The following SLC14A2 variants were observed in gnomAD, a reference collection of about 807,000 sequenced individuals.
The protein encoded by SLC14A2 is solute carrier family 14 member 2, also known as urea transporter 2.
In SLC14A2, 91 loss-of-function variants were observed where a neutral mutation model predicts 104.6. That is an observed-to-expected ratio of 0.87 (90% CI 0.73 to 1.04). SLC14A2 has a LOEUF of 1.04. Ranked by LOEUF, SLC14A2 falls within the 50% of genes least tolerant of loss-of-function variation. The pLI, the probability that SLC14A2 is intolerant of heterozygous loss-of-function variation, is 0.00. For synonymous variants in SLC14A2, 476 were observed against 466.4 expected (o/e 1.02, Z -0.27); for missense variants, 1,189 against 1,156.0 (o/e 1.03, Z -0.41).
At chr18:45,520,009 A>G (rs1376030409) in intron 2 of SLC14A2, among the ~76,000 whole-genome samples, 1 of 152,232 alleles carries the variant, frequency 6.6e-6, no homozygotes, top group Non-Finnish European at 1.5e-5. Context: ...TTCACACACC[A>G]GAAATCACAG....
chr18:45,403,167 T>A (rs752573284), intron 1 of SLC14A2, among the ~76,000 whole-genome samples: 10 of 152,208 alleles, frequency 6.6e-5, no homozygotes, highest in Non-Finnish European at 1.3e-4. Flanking sequence ...CACCATGTCC[T>A]CGTATGTTCT....
intron 2 of SLC14A2, among the ~76,000 whole-genome samples, chr18:45,534,868 A>C (rs34793310): frequency 0.17 from 25,163 of 152,152 alleles, 2,633 homozygotes; most frequent in African/African-American, 0.28. Context: ...TGTGCCATTG[A>C]CTGCACCACA....
chr18:45,453,091 C>T (rs1022139772), intron 1 of SLC14A2, among the ~76,000 whole-genome samples: 5 of 152,118 alleles, frequency 3.3e-5, no homozygotes, highest in African/African-American at 1.2e-4. Flanking sequence ...CAAACCAGGA[C>T]CTAGATCTCC....
chr18:45,491,079 C>A (rs181253544), intron 2 of SLC14A2, among the ~76,000 whole-genome samples: 2 of 152,164 alleles, frequency 1.3e-5, no homozygotes, highest in Admixed American at 1.3e-4. Flanking sequence ...TATACATACC[C>A]TATGACAACT....
the SLC14A2 span, among the ~76,000 whole-genome samples, chr18:45,170,406 A>T: frequency 6.6e-6 from 1 of 152,328 alleles, no homozygotes; most frequent in East Asian, 1.9e-4. Context: ...CAGTTTTGAA[A>T]GGAAGTTAAA....
At chr18:45,444,705 T>C (rs970423675) in intron 1 of SLC14A2, among the ~76,000 whole-genome samples, 1 of 152,196 alleles carries the variant, frequency 6.6e-6, no homozygotes, top group Non-Finnish European at 1.5e-5. Flanking sequence ...TTTTATCTAA[T>C]GGCTGTAATC....
intron 1 of SLC14A2, among the ~76,000 whole-genome samples, chr18:45,368,694 T>C (rs2085691423): frequency 1.3e-5 from 2 of 152,128 alleles, no homozygotes; most frequent in South Asian, 2.1e-4. Context: ...AAGGGAGAAA[T>C]ACAAAAAGCA....
chr18:45,601,938 T>C (rs72906366), intron 2 of SLC14A2, among the ~76,000 whole-genome samples: 12,205 of 152,316 alleles, frequency 0.08, 661 homozygotes, highest in Non-Finnish European at 0.12. Flanking sequence ...ATGTGAATGG[T>C]CAGAGCCTTT....
intron 2 of SLC14A2, among the ~76,000 whole-genome samples, chr18:45,503,715 C>T (rs1188539979): frequency 6.6e-6 from 1 of 152,114 alleles, no homozygotes; most frequent in Non-Finnish European, 1.5e-5. Context: ...AGACTGGTGC[C>T]CCTCTCTTCT....
chr18:45,195,985 G>A, the SLC14A2 span, among the ~76,000 whole-genome samples: 1 of 152,186 alleles, frequency 6.6e-6, no homozygotes. Context: ...CAGCCACGTG[G>A]TGGAAGAAGA....
At chr18:45,263,720 AC>A (rs2144104345) in intron 1 of SLC14A2, among the ~76,000 whole-genome samples, 1 of 152,280 alleles carries the variant, frequency 6.6e-6, no homozygotes, top group South Asian at 2.1e-4. Flanking sequence ...TTCTGCTGTT[AC>A]AGATCAGGTC....
the SLC14A2 span, among the ~76,000 whole-genome samples, chr18:45,180,730 A>G: frequency 8.5e-5 from 13 of 152,346 alleles, no homozygotes; most frequent in Admixed American, 7.2e-4. Context: ...TAATAGTTAT[A>G]GAAATATCAA....
chr18:45,661,983 C>T (rs763529682), intron 10 of SLC14A2, among the ~76,000 whole-genome samples: 12 of 152,170 alleles, frequency 7.9e-5, no homozygotes, highest in Non-Finnish European at 1.2e-4. Context: ...GGAAGGGACA[C>T]GATCAGGTGT....
intron 2 of SLC14A2, among the ~76,000 whole-genome samples, chr18:45,549,482 A>C (rs897077639): frequency 4.6e-5 from 7 of 152,196 alleles, no homozygotes; most frequent in East Asian, 1.9e-4. Flanking sequence ...GTTCAAGCGC[A>C]CTTGTGAACG....
intron 1 of SLC14A2, among the ~76,000 whole-genome samples, chr18:45,455,758 AC>A (rs2086933345): frequency 1.3e-5 from 2 of 152,286 alleles, no homozygotes; most frequent in South Asian, 4.1e-4. Flanking sequence ...GTCTCATGGA[AC>A]TTACATTCTA....
At chr18:45,407,926 G>A (rs2612564) in intron 1 of SLC14A2, among the ~76,000 whole-genome samples, 152,218 of 152,338 alleles carry the variant, frequency 1, 76,049 homozygotes, top group Non-Finnish European at 1. Flanking sequence ...AATGGTAATG[G>A]AACAGTCTGG....
At chr18:45,596,774 A>G (rs1370271238) in intron 2 of SLC14A2, among the ~76,000 whole-genome samples, 1 of 152,248 alleles carries the variant, frequency 6.6e-6, no homozygotes, top group African/African-American at 2.4e-5. Context: ...ATGAAACTTA[A>G]TACAGCTACA....
At chr18:45,372,316 C>CAATAATAATAAT (rs59063935) in intron 1 of SLC14A2, among the ~76,000 whole-genome samples, 148 of 148,502 alleles carry the variant, frequency 1.0e-3, no homozygotes, top group African/African-American at 2.2e-3. Context: ...GTCTCAAAAA[C>CAATAATAATAAT]AATAATAATA....
intron 1 of SLC14A2, among the ~76,000 whole-genome samples, chr18:45,392,425 T>G (rs2085980713): frequency 6.6e-6 from 1 of 152,234 alleles, no homozygotes; most frequent in African/African-American, 2.4e-5. Context: ...GCCCTCACAG[T>G]GCAGCATGGT....
Sources: allele counts gnomAD v4.1 joint callset (sites outside exome capture counted in the v4.1 genomes callset), GRCh38; gene constraint gnomAD v4.1.1; transcripts MANE v1.5; gene names NCBI Gene and HGNC (gene_info 2026-07-23, HGNC 2026-07-21).